The following POLI variants were observed in gnomAD, a reference collection of about 807,000 sequenced individuals.
The protein encoded by POLI is RAD30 homolog B.
Under a neutral mutation model 51.6 loss-of-function variants are expected in POLI, and 58 were observed. The observed-to-expected ratio is 1.12, with a 90% confidence interval of 0.91 to 1.40. The LOEUF is 1.40. Among genes scored for constraint, POLI ranks in the 40% most tolerant of loss-of-function variants. POLI has a pLI of 0.00. For missense variants in POLI, 921 were observed against 871.3 expected (o/e 1.06, Z -0.72); for synonymous variants, 322 against 299.7 (o/e 1.07, Z -0.77).
rs1255593526 is a variant in POLI, at chr18:54,295,392, C to G, written c.*925C>G. 2.4e-5 allele frequency: 24 copies of G among 980,944 alleles called. No homozygotes were observed. The highest frequency in any genetic ancestry group is 2.9e-5 in the Non-Finnish European group (24 of 826,028). The allele number at this position is 980,944 out of a possible 1,614,324, so 60.8% of individuals were successfully genotyped here. A position where few individuals can be genotyped will look rare whatever the true frequency, so the allele number is the denominator to read the frequency against. ...CATTGTTATTGCCTTCCTCTTTTGC[C>G]TGCTAAACTAAAAATTGGATATAAG... is the stretch of plus-strand genomic sequence containing the variant. On this transcript the variant is annotated 3_prime_UTR_variant, in exon 10 of 10. Transcript: ENST00000579534.
At position 54,291,964 on chromosome 18, in the gene POLI, G is replaced by T. The variant is rs1483460342; in HGVS notation, c.1330G>T (p.Ala444Ser). The change falls in exon 9 of 10, where the codon GCT (alanine) becomes TCT (serine). Residue 444 changes from alanine (A) to serine (S), a missense_variant. Transcript: ENST00000579534. ...CFCNLKALNT[A>S]KKGLIDYYLM... is the part of the protein sequence containing the mutation. The stretch of plus-strand genomic sequence containing the variant: ...CTGCAACCTTAAAGCACTAAATACT[G>T]CTAAGAAAGGGCTTATTGATTATTA... The T allele has an allele frequency of 6.2e-7, 1 of 1,611,054 alleles. No homozygotes were observed. The highest frequency in any genetic ancestry group is 8.5e-7 in the Non-Finnish European group (1 of 1,177,878).
At chr18:54,287,191 A>T in intron 7 of POLI, 90 bp from the exon 8 acceptor site, 1 of 901,636 alleles carries the variant, frequency 1.1e-6, no homozygotes, top group Non-Finnish European at 1.7e-6. Context: ...ATTTAACAAA[A>T]TCTGGCACCT....
chr18:54,269,497 G>C (rs1451388830), upstream of POLI: 1 of 1,494,908 alleles, frequency 6.7e-7, no homozygotes, highest in South Asian at 1.3e-5. Flanking sequence ...GGTTTCCCTG[G>C]AGACCAGGCG....
At chr18:54,271,725 T>G (rs1324479623) in intron 2 of POLI, among the ~76,000 whole-genome samples, 1 of 152,198 alleles carries the variant, frequency 6.6e-6, no homozygotes, top group Non-Finnish European at 1.5e-5. Context: ...GCAGAATAAA[T>G]GTTACTTTTC....
At chr18:54,286,524 A>T (rs1029458698) in intron 7 of POLI, among the ~76,000 whole-genome samples, 1 of 151,182 alleles carries the variant, frequency 6.6e-6, no homozygotes, top group African/African-American at 2.4e-5. Flanking sequence ...GTCATTTTGT[A>T]AAAAAAAATC....
chr18:54,308,407 G>C (rs997606699), intron 3 of POLI, among the ~76,000 whole-genome samples: 1 of 152,078 alleles, frequency 6.6e-6, no homozygotes, highest in African/African-American at 2.4e-5. Context: ...TTGAATATTG[G>C]CTCCCACTCT....
intron 5 of POLI, 72 bp from the exon 6 acceptor site, chr18:54,282,765 T>TAA (rs2087563120): frequency 1.3e-6 from 1 of 798,584 alleles, no homozygotes; most frequent in Admixed American, 2.8e-5. Context: ...TTGATATATT[T>TAA]ATAATATTTT....
At position 54,293,906 on chromosome 18, in the gene POLI, G is replaced by C. The variant is rs758383098; in HGVS notation, c.1662G>C (p.Gly554=). Residue 554 remains glycine (G), a synonymous_variant, in exon 10 of 10, where the codon GGG becomes GGC. Transcript: ENST00000579534. Reference sequence around the variant, plus strand: ...GAAAATCTAGGGAAAAATTTCAAGGGAAAGGAAGTGTGAGTTGTCCATTAC... The same window carrying C: ...GAAAATCTAGGGAAAAATTTCAAGGCAAAGGAAGTGTGAGTTGTCCATTAC... ...LSGKSREKFQ[G]KGSVSCPLHA... 1.2e-6 allele frequency: 2 copies of C among 1,613,050 alleles called. No individual in the cohort carries two copies. Among genetic ancestry groups the C allele is most frequent in the East Asian group, 2.2e-5 (1 of 44,852 alleles).
chr18:54,306,879 T>C (rs1475438255), intron 3 of POLI, among the ~76,000 whole-genome samples: 1 of 152,214 alleles, frequency 6.6e-6, no homozygotes, highest in East Asian at 1.9e-4. Context: ...TTTATAGTAT[T>C]CTCTGATGGT....
At chr18:54,315,628 G>A (rs1042497214) in intron 3 of POLI, among the ~76,000 whole-genome samples, 2 of 151,962 alleles carry the variant, frequency 1.3e-5, no homozygotes, top group Admixed American at 1.3e-4. Flanking sequence ...TTTATGAATC[G>A]GTGCTCCAAT....
At chr18:54,305,252 T>G (rs1372531811) in intron 3 of POLI, among the ~76,000 whole-genome samples, 1 of 152,228 alleles carries the variant, frequency 6.6e-6, no homozygotes, top group Non-Finnish European at 1.5e-5. Flanking sequence ...TGGGCTCTTT[T>G]TTGGTTCCAT....
intron 3 of POLI, among the ~76,000 whole-genome samples, chr18:54,319,056 C>T (rs950282955): frequency 6.6e-6 from 1 of 152,100 alleles, no homozygotes; most frequent in African/African-American, 2.4e-5. Context: ...TTGCCTTTCA[C>T]TCTTTTTCTT....
intron 7 of POLI, among the ~76,000 whole-genome samples, chr18:54,285,521 A>AGTGTGTGT (rs61280100): frequency 2.0e-3 from 295 of 144,754 alleles, no homozygotes; most frequent in African/African-American, 6.7e-3. Context: ...AAATTACAGG[A>AGTGTGTGT]GTGTGTGTGT....
chr18:54,270,896 C>T (rs2144423592), intron 1 of POLI: 1 of 154,160 alleles, frequency 6.5e-6, no homozygotes, highest in Non-Finnish European at 1.4e-5. Flanking sequence ...AAATAGCCCA[C>T]ACTTGTACCC....
At chr18:54,286,351 T>C (rs1184286918) in intron 7 of POLI, among the ~76,000 whole-genome samples, 1 of 152,128 alleles carries the variant, frequency 6.6e-6, no homozygotes, top group Non-Finnish European at 1.5e-5. Context: ...AAACCTTTGT[T>C]TCAACACCAA....
downstream of POLI, among the ~76,000 whole-genome samples, chr18:54,299,528 C>T (rs2088454770): frequency 6.6e-6 from 1 of 152,136 alleles, no homozygotes; most frequent in Admixed American, 6.5e-5. Flanking sequence ...GAATTAACAG[C>T]AGATACTGCT....
intron 4 of POLI, among the ~76,000 whole-genome samples, chr18:54,278,481 T>C (rs2087351466): frequency 6.6e-6 from 1 of 152,226 alleles, no homozygotes; most frequent in African/African-American, 2.4e-5. Flanking sequence ...TGATGTGTGT[T>C]TTACATGTTC....
intron 3 of POLI, among the ~76,000 whole-genome samples, chr18:54,306,286 G>C (rs944496222): frequency 9.9e-5 from 15 of 152,220 alleles, no homozygotes; most frequent in East Asian, 3.9e-4. Context: ...TTGCATAAAG[G>C]GCTGTTGAAT....
At chr18:54,281,067 C>T (rs665407) in intron 5 of POLI, among the ~76,000 whole-genome samples, 164 bp downstream of exon 5, 38,481 of 151,810 alleles carry the variant, frequency 0.25, 5,087 homozygotes, top group Middle Eastern at 0.3. Flanking sequence ...CTAAGAAAAA[C>T]TGTAATGTTT....
Sources: gnomAD v4.1 joint callset for allele counts (sites outside exome capture counted in the v4.1 genomes callset) on GRCh38, gnomAD v4.1.1 for gene constraint, MANE v1.5 for transcripts, NCBI Gene and HGNC (gene_info 2026-07-23, HGNC 2026-07-21) for gene names.